The following MIR2052HG variants were observed in gnomAD, a reference collection of about 807,000 sequenced individuals.
MIR2052HG encodes the protein MIR2052 host gene.
At chr8:74,665,684 A>G (rs1175170933) in intron 2 of MIR2052HG, among the ~76,000 whole-genome samples, 3 of 151,906 alleles carry the variant, frequency 2.0e-5, no homozygotes, top group African/African-American at 4.8e-5. Flanking sequence ...TCTCACTTCT[A>G]TTATAATACT....
At chr8:74,756,441 C>T (rs1278141827) in intron 5 of MIR2052HG, among the ~76,000 whole-genome samples, 2 of 152,194 alleles carry the variant, frequency 1.3e-5, no homozygotes, top group African/African-American at 2.4e-5. Context: ...GAACTCTGTC[C>T]CGTGAATCTG....
chr8:74,730,024 T>C (rs1292603847), intron 4 of MIR2052HG, among the ~76,000 whole-genome samples: 4 of 152,178 alleles, frequency 2.6e-5, no homozygotes, highest in Non-Finnish European at 5.9e-5. Context: ...TACTTATCTG[T>C]TACTGGCTAT....
intron 2 of MIR2052HG, among the ~76,000 whole-genome samples, chr8:74,663,985 A>G (rs916579442): frequency 6.6e-6 from 1 of 152,074 alleles, no homozygotes; most frequent in Non-Finnish European, 1.5e-5. Flanking sequence ...CCTCCAGTGG[A>G]GCTGGAGGCC....
At chr8:74,671,754 G>T (rs1808995029) in intron 2 of MIR2052HG, among the ~76,000 whole-genome samples, 1 of 152,062 alleles carries the variant, frequency 6.6e-6, no homozygotes. Flanking sequence ...CAAAGCTTTG[G>T]TACTGCTCTG....
intron 4 of MIR2052HG, among the ~76,000 whole-genome samples, chr8:74,747,147 AT>A (rs1416599920): frequency 6.6e-6 from 1 of 152,148 alleles, no homozygotes; most frequent in Non-Finnish European, 1.5e-5. Flanking sequence ...TGAAAACAAA[AT>A]TTCTCAGTGT....
intron 2 of MIR2052HG, among the ~76,000 whole-genome samples, chr8:74,669,296 C>A (rs111748201): frequency 1.6e-4 from 24 of 152,284 alleles, no homozygotes; most frequent in African/African-American, 5.5e-4. Flanking sequence ...TCCTATTGAT[C>A]AACATTCTGT....
intron 1 of MIR2052HG, among the ~76,000 whole-genome samples, chr8:74,607,637 G>T (rs892524571): frequency 5.3e-5 from 8 of 151,908 alleles, no homozygotes; most frequent in Non-Finnish European, 1.2e-4. Flanking sequence ...CACAAAACCA[G>T]AACTGATAGA....
At chr8:74,607,339 T>C (rs548482266) in intron 1 of MIR2052HG, among the ~76,000 whole-genome samples, 2 of 152,242 alleles carry the variant, frequency 1.3e-5, no homozygotes, top group African/African-American at 4.8e-5. Context: ...AGGCCAGGCA[T>C]GGTGGCTCAC....
chr8:74,702,811 A>G (rs942184832), intron 3 of MIR2052HG, among the ~76,000 whole-genome samples: 1 of 152,098 alleles, frequency 6.6e-6, no homozygotes, highest in African/African-American at 2.4e-5. Context: ...TAAAGTTTAG[A>G]TGCCCAAAAT....
At chr8:74,692,368 A>T (rs1279026467) in intron 2 of MIR2052HG, among the ~76,000 whole-genome samples, 1 of 152,186 alleles carries the variant, frequency 6.6e-6, no homozygotes, top group African/African-American at 2.4e-5. Flanking sequence ...CCCAGCCTGA[A>T]TTGAACATTT....
intron 2 of MIR2052HG, among the ~76,000 whole-genome samples, chr8:74,629,413 A>G (rs1335490635): frequency 2.6e-5 from 4 of 151,996 alleles, no homozygotes; most frequent in African/African-American, 4.8e-5. Context: ...TACTTTCAGG[A>G]TGGTTTTCTA....
At chr8:74,673,163 A>AT (rs1375773529) in intron 2 of MIR2052HG, among the ~76,000 whole-genome samples, 1 of 152,098 alleles carries the variant, frequency 6.6e-6, no homozygotes, top group Non-Finnish European at 1.5e-5. Flanking sequence ...AATAGGGTAG[A>AT]TTCTTTTAAA....
rs536293942 is a variant in MIR2052HG at position 74,721,044 on chromosome 8, A to G, written n.371+17362A>G. On this transcript the variant is annotated intron_variant and non_coding_transcript_variant, in intron 4 of 6. Coordinates refer to ENST00000523442, the Ensembl canonical transcript of MIR2052HG. Reference sequence around the variant, plus strand: ...TGAGGACACAGAGCCAAACCATATCAAGTAGAGACCAAATATAAGGTGGCT... The same window carrying G: ...TGAGGACACAGAGCCAAACCATATCGAGTAGAGACCAAATATAAGGTGGCT... 3.3e-5 allele frequency among the ~76,000 whole-genome samples: 5 copies of G among 152,284 alleles called. No homozygotes were observed. The East Asian group carries it at 9.7e-4, about 30-fold the overall frequency.
intron 4 of MIR2052HG, among the ~76,000 whole-genome samples, chr8:74,714,202 C>A (rs971741721): frequency 2.6e-5 from 4 of 152,138 alleles, no homozygotes; most frequent in African/African-American, 9.7e-5. Flanking sequence ...GAGAGCACCA[C>A]GAGGATGAGA....
At chr8:74,645,052 G>GT (rs755874736) in intron 2 of MIR2052HG, among the ~76,000 whole-genome samples, 1 of 151,870 alleles carries the variant, frequency 6.6e-6, no homozygotes, top group African/African-American at 2.4e-5. Context: ...TTTATGAGAA[G>GT]TTTTTTTTCC....
chr8:74,747,791 C>G (rs917773679), intron 4 of MIR2052HG, among the ~76,000 whole-genome samples: 5 of 152,148 alleles, frequency 3.3e-5, no homozygotes, highest in African/African-American at 1.2e-4. Flanking sequence ...TAAACTGAGA[C>G]AAATGAATTC....
chr8:74,602,436 T>C (rs1341728457), intron 1 of MIR2052HG, among the ~76,000 whole-genome samples: 1 of 152,132 alleles, frequency 6.6e-6, no homozygotes, highest in African/African-American at 2.4e-5. Flanking sequence ...GTTTAGCATA[T>C]GATCAAGAAA....
At chr8:74,654,287 T>A (rs909520785) in intron 2 of MIR2052HG, among the ~76,000 whole-genome samples, 1 of 152,136 alleles carries the variant, frequency 6.6e-6, no homozygotes, top group African/African-American at 2.4e-5. Flanking sequence ...CAAAGGAGAC[T>A]ATGACTGACT....
intron 4 of MIR2052HG, among the ~76,000 whole-genome samples, chr8:74,719,829 C>CTTTTTTTT (rs1182515871): frequency 1.6e-5 from 2 of 124,210 alleles, no homozygotes; most frequent in African/African-American, 2.9e-5. Context: ...AGTGCTCCTT[C>CTTTTTTTT]TTTTTTTTTT....
Sources: allele counts gnomAD v4.1 joint callset (sites outside exome capture counted in the v4.1 genomes callset), GRCh38; gene constraint gnomAD v4.1.1; transcripts MANE v1.5; gene names NCBI Gene and HGNC (gene_info 2026-07-23, HGNC 2026-07-21).